Variants in MAN1A1 observed in about 807,000 individuals in gnomAD.
MAN1A1 encodes mannosyl-oligosaccharide 1,2-alpha-mannosidase IA.
MAN1A1 carries 29 observed loss-of-function variants against 70.8 expected under a neutral mutation model. The observed-to-expected ratio is 0.41, with a 90% CI of 0.31 to 0.56. MAN1A1 has a LOEUF of 0.56. Among genes scored for constraint, MAN1A1 ranks in the 20% least tolerant of loss-of-function variants. The pLI is 0.29. For synonymous variants in MAN1A1, 349 were observed against 330.1 expected (o/e 1.06, Z -0.62); for missense variants, 747 against 841.3 (o/e 0.89, Z 1.39).
chr6:119,338,837 T>C (rs1773531222), intron 2 of MAN1A1, among the ~76,000 whole-genome samples: 1 of 152,192 alleles, frequency 6.6e-6, no homozygotes, highest in Non-Finnish European at 1.5e-5. Flanking sequence ...TTATTCTAAG[T>C]GTGCAATCTA....
chr6:119,316,984 G>C (rs961585223), intron 2 of MAN1A1, among the ~76,000 whole-genome samples: 1 of 145,234 alleles, frequency 6.9e-6, no homozygotes, highest in African/African-American at 2.6e-5. Flanking sequence ...GCTATCCCTA[G>C]AGTCAAGCCC....
At chr6:119,329,770 TCA>T (rs1180601126) in intron 2 of MAN1A1, among the ~76,000 whole-genome samples, 1 of 152,176 alleles carries the variant, frequency 6.6e-6, no homozygotes, top group Admixed American at 6.5e-5. Context: ...CTGGCCTCGT[TCA>T]CAGTTACCTT....
At chr6:119,271,957 G>A (rs1285682141) in intron 5 of MAN1A1, among the ~76,000 whole-genome samples, 1 of 152,156 alleles carries the variant, frequency 6.6e-6, no homozygotes, top group African/African-American at 2.4e-5. Flanking sequence ...TTACTGGAAG[G>A]AGAAACACAG....
rs1349329502 is a variant in MAN1A1, at chr6:119,177,372, G to A, written c.*2447C>T. 6.6e-6 allele frequency: 1 copy of A among 152,062 alleles called. No homozygotes were observed. Among genetic ancestry groups the A allele is most frequent in the African/African-American group, 2.4e-5 (1 of 41,422 alleles). 9.4% of individuals were successfully genotyped at this position (152,062 alleles called of 1,614,324 possible). ...AAAAAACAATCAATGTACACAATGT[G>A]TAGCTCATATGAAAACCTCATGACA... On this transcript the variant is annotated 3_prime_UTR_variant, in exon 13 of 13. Coordinates refer to ENST00000368468, the MANE Select transcript of MAN1A1 (RefSeq NM_005907.4).
intron 5 of MAN1A1, among the ~76,000 whole-genome samples, chr6:119,263,801 T>C (rs558716154): frequency 2.6e-5 from 4 of 152,318 alleles, no homozygotes; most frequent in African/African-American, 9.6e-5. Flanking sequence ...CATACATTCT[T>C]CAGGGATTTT....
intron 11 of MAN1A1, among the ~76,000 whole-genome samples, chr6:119,182,915 C>A (rs568367922): frequency 6.6e-6 from 1 of 151,828 alleles, no homozygotes; most frequent in South Asian, 2.1e-4. Context: ...ATCCAACTAC[C>A]AAGAAGATGG....
chr6:119,300,261 G>GTT (rs34460585), intron 4 of MAN1A1, among the ~76,000 whole-genome samples: 9 of 143,000 alleles, frequency 6.3e-5, no homozygotes, highest in Admixed American at 1.4e-4. Flanking sequence ...TTTTGTTTTT[G>GTT]TTTTTTTTTT....
chr6:119,254,120 A>C (rs1775399467), intron 5 of MAN1A1, among the ~76,000 whole-genome samples: 1 of 152,226 alleles, frequency 6.6e-6, no homozygotes, highest in South Asian at 2.1e-4. Context: ...TGTTGAGAGA[A>C]TGAAGGAGGC....
intron 4 of MAN1A1, among the ~76,000 whole-genome samples, chr6:119,300,979 C>T (rs1772375445): frequency 6.6e-6 from 1 of 152,170 alleles, no homozygotes; most frequent in Non-Finnish European, 1.5e-5. Context: ...CCTTAATATT[C>T]TACCTAACAC....
chr6:119,192,185 G>A (rs191053944), intron 9 of MAN1A1, among the ~76,000 whole-genome samples: 114 of 152,104 alleles, frequency 7.5e-4, no homozygotes, highest in Admixed American at 1.4e-3. Context: ...GATCTTAGAC[G>A]GCCAATTTAA....
chr6:119,272,033 C>G (rs1775939193), intron 5 of MAN1A1, among the ~76,000 whole-genome samples: 1 of 152,106 alleles, frequency 6.6e-6, no homozygotes, highest in African/African-American at 2.4e-5. Flanking sequence ...TCTATAGATT[C>G]CATGAAACAG....
At chr6:119,211,815 T>A (rs901706010) in intron 6 of MAN1A1, among the ~76,000 whole-genome samples, 1 of 147,596 alleles carries the variant, frequency 6.8e-6, no homozygotes, top group African/African-American at 2.5e-5. Flanking sequence ...TAAGCTTATC[T>A]TTTTTTTTTA....
chr6:119,228,643 G>T lies in MAN1A1; in HGVS notation c.992+19617C>A, dbSNP rs188554553. Among the ~76,000 whole-genome samples, 156 of 151,844 alleles carry T rather than the reference G, an allele frequency of 1.0e-3. 2 individuals carry two copies. Among genetic ancestry groups the T allele is most frequent in the African/African-American group, 3.1e-3 (130 of 41,410 alleles). On this transcript the variant is annotated intron_variant, in intron 6 of 12. Coordinates refer to ENST00000368468, the MANE Select transcript of MAN1A1 (RefSeq NM_005907.4). Reference sequence around the variant, plus strand: ...AAACCCCTAATTTCTTAGCCACAATGATATGAAATTCAGAATAAATCTGAA... The same window carrying T: ...AAACCCCTAATTTCTTAGCCACAATTATATGAAATTCAGAATAAATCTGAA...
chr6:119,225,613 G>T (rs1350110899), intron 6 of MAN1A1, among the ~76,000 whole-genome samples: 1 of 152,046 alleles, frequency 6.6e-6, no homozygotes, highest in East Asian at 1.9e-4. Context: ...GATAGCCAAA[G>T]ATAATGAGAA....
At chr6:119,302,531 G>C (rs1367587419) in intron 3 of MAN1A1, among the ~76,000 whole-genome samples, 1 of 151,996 alleles carries the variant, frequency 6.6e-6, no homozygotes, top group Non-Finnish European at 1.5e-5. Context: ...ATAGGCGCAT[G>C]CCACCACGCC....
intron 5 of MAN1A1, among the ~76,000 whole-genome samples, chr6:119,267,636 G>C (rs1003363963): frequency 2.0e-5 from 3 of 152,162 alleles, no homozygotes; most frequent in Middle Eastern, 3.4e-3. Context: ...TCAAGAAACA[G>C]GACTTTGCCA....
At chr6:119,186,488 C>T (rs1773294920) in intron 11 of MAN1A1, among the ~76,000 whole-genome samples, 1 of 152,134 alleles carries the variant, frequency 6.6e-6, no homozygotes, top group Non-Finnish European at 1.5e-5. Flanking sequence ...CTCACTCCTG[C>T]TAGAAACCCT....
chr6:119,194,408 C>T lies in MAN1A1; in HGVS notation c.1211-516G>A, dbSNP rs529219954. Among the ~76,000 whole-genome samples the T allele has an allele frequency of 4.7e-4, 71 of 152,290 alleles. No homozygotes were observed. In the South Asian group the frequency reaches 0.014, roughly 30 times the overall value. On this transcript the variant is annotated intron_variant, in intron 8 of 12. Transcript: ENST00000368468. The stretch of plus-strand genomic sequence containing the variant: ...GCACGATGATAGCTCACTATAACCT[C>T]GAACTCCCGAGCTCAAGTGATCCTC...
At chr6:119,238,619 G>T (rs1312420971) in intron 6 of MAN1A1, among the ~76,000 whole-genome samples, 1 of 152,100 alleles carries the variant, frequency 6.6e-6, no homozygotes, top group South Asian at 2.1e-4. Flanking sequence ...CCTATTACTT[G>T]ATCAGTTTTG....
Sources: allele counts gnomAD v4.1 joint callset (sites outside exome capture counted in the v4.1 genomes callset), GRCh38; gene constraint gnomAD v4.1.1; transcripts MANE v1.5; gene names NCBI Gene and HGNC (gene_info 2026-07-23, HGNC 2026-07-21).